The following FAAH variants were observed in gnomAD, a reference collection of about 807,000 sequenced individuals.
FAAH encodes fatty acid amide hydrolase.
In FAAH, 63 loss-of-function variants were observed where a neutral mutation model predicts 69.7. The ratio of observed to expected loss-of-function variants is 0.90; its 90% CI spans 0.74 to 1.12. The LOEUF (loss-of-function observed/expected upper bound fraction) is 1.12. Among genes scored for constraint, FAAH ranks in the 50% most tolerant of loss-of-function variants. The pLI is 0.00. For missense variants in FAAH, 680 were observed against 755.0 expected (o/e 0.90, Z 1.16); for synonymous variants, 305 against 324.2 (o/e 0.94, Z 0.64).
Position 46,410,767 on chromosome 1 carries a change from G to C in FAAH, c.1276-47G>C. On this transcript the variant is annotated intron_variant, in intron 10 of 14. Transcript: ENST00000243167. This position sits in a 1 kb window ranked among gnomAD's most constrained non-coding sequence, Gnocchi z 4.9. ...CTTGGCCTGAAGAAGGTTGACGTCT[G>C]CCGTGGCCCAGAGCTGAGTCACCGA... is the stretch of plus-strand genomic sequence containing the variant. 1.2e-6 allele frequency: 2 copies of C among 1,613,426 alleles called. No individual in the cohort carries two copies. The highest frequency in any genetic ancestry group is 4.5e-5 in the East Asian group (2 of 44,882).
chr1:46,394,468 G>A lies in FAAH; in HGVS notation c.120G>A (p.Ala40=). 2.2e-6 allele frequency: 3 copies of A among 1,383,008 alleles called. No individual in the cohort carries two copies. Among genetic ancestry groups the A allele is most frequent in the South Asian group, 1.7e-5 (1 of 59,236 alleles). 85.7% of individuals were successfully genotyped at this position (1,383,008 alleles called of 1,614,324 possible). A position where few individuals can be genotyped will look rare whatever the true frequency, so the allele number is the denominator to read the frequency against. ...CCGGGCGCCGGACGGCGCGGGGCGC[G>A]GTGGTCCGGGCGCGACAGAGGCAGC... ...RWSGRRTARG[A]VVRARQRQRA... The change falls in exon 1 of 15, where the codon GCG becomes GCA. Residue 40 remains alanine (A), a synonymous_variant. Transcript: ENST00000243167.
rs770844506 is a variant in FAAH, at chr1:46,406,246, C to G, written c.829C>G (p.Arg277Gly). ...KGCVYGQEAV[R>G]LSVGPMARDV... ...TCCCTCACCTCTCTGCCCCACAGTG[C>G]GTCTCTCCGTGGGCCCCATGGCCCG... is the stretch of plus-strand genomic sequence containing the variant. Residue 277 changes from arginine to glycine, a missense_variant and splice_region_variant, in exon 7 of 15, where the codon CGT (arginine) becomes GGT (glycine). Physicochemically the swap from Arg to Gly is moderately radical, Grantham distance 125. Coordinates refer to ENST00000243167, the MANE Select transcript of FAAH (RefSeq NM_001441.3). 4 of 1,613,910 alleles carry G rather than the reference C, an allele frequency of 2.5e-6. No homozygotes were observed. The highest frequency in any genetic ancestry group is 3.4e-6 in the Non-Finnish European group (4 of 1,180,042).
At position 46,402,143 on chromosome 1, in the gene FAAH, T is replaced by C. The variant is rs202110440; in HGVS notation, c.248T>C (p.Val83Ala). 1 of 1,610,666 alleles carries C rather than the reference T, an allele frequency of 6.2e-7. No homozygotes were observed. The highest frequency in any genetic ancestry group is 8.5e-7 in the Non-Finnish European group (1 of 1,178,520). Residue 83 changes from valine (V) to alanine (A), a missense_variant, in exon 2 of 15, where the codon GTG becomes GCG. Coordinates refer to ENST00000243167, the MANE Select transcript of FAAH (RefSeq NM_001441.3). ...CTAGCCCTGCCCCTGCCTCAGCTGGTGCAGAAGTTACACAGTAGAGAGCTG... is the reference window on the plus strand; with the variant it reads ...CTAGCCCTGCCCCTGCCTCAGCTGGCGCAGAAGTTACACAGTAGAGAGCTG... ...ALLALPLPQL[V>A]QKLHSRELAP...
rs1664713032 is a variant in FAAH at position 46,402,086 on chromosome 1, C to T, written c.196-5C>T. Reference sequence around the variant, plus strand: ...AGGGGACTGATCCGAGTTTGTTCCCCACAGAACCCAGACCTGGACTCAGAG... The same window carrying T: ...AGGGGACTGATCCGAGTTTGTTCCCTACAGAACCCAGACCTGGACTCAGAG... On this transcript the variant is annotated splice_polypyrimidine_tract_variant and splice_region_variant and intron_variant, in intron 1 of 14. Transcript: ENST00000243167. 6.2e-7 allele frequency: 1 copy of T among 1,601,422 alleles called. No homozygotes were observed. Among genetic ancestry groups the T allele is most frequent in the Non-Finnish European group, 8.5e-7 (1 of 1,173,552 alleles).
Position 46,409,098 on chromosome 1 carries a change from C to T in FAAH, c.1078-3C>T. Reference sequence around the variant, plus strand: ...GAGGCCTTACACCCCTCAATCCCTGCAGCTGGTTCCCTTCTTGCCAAGCAA... The same window carrying T: ...GAGGCCTTACACCCCTCAATCCCTGTAGCTGGTTCCCTTCTTGCCAAGCAA... On this transcript the variant is annotated splice_region_variant and splice_polypyrimidine_tract_variant and intron_variant, in intron 8 of 14. Transcript: ENST00000243167. The T allele has an allele frequency of 6.2e-7, 1 of 1,613,648 alleles. No individual in the cohort carries two copies. The highest frequency in any genetic ancestry group is 8.5e-7 in the Non-Finnish European group (1 of 1,179,568).
chr1:46,396,740 T>C (rs1011930883), intron 1 of FAAH, among the ~76,000 whole-genome samples: 8 of 152,208 alleles, frequency 5.3e-5, no homozygotes, highest in African/African-American at 1.7e-4. Flanking sequence ...TACCAGCATC[T>C]CAAGGCAGAA....
At position 46,411,836 on chromosome 1, in the gene FAAH, C is replaced by T. The variant is rs1664921395; in HGVS notation, c.1356+185C>T. On this transcript the variant is annotated intron_variant, in intron 12 of 14. Coordinates refer to ENST00000243167, the MANE Select transcript of FAAH (RefSeq NM_001441.3). This position sits in a 1 kb window ranked among gnomAD's most constrained non-coding sequence, Gnocchi z 4.8. ...TCTGACCCTTACTTGCCTAGATGCC[C>T]ATCCTTTGAGGCTGGGTCAGCCCCA... 6.6e-6 allele frequency among the ~76,000 whole-genome samples: 1 copy of T among 152,238 alleles called. No homozygotes were observed. Among genetic ancestry groups the T allele is most frequent in the Admixed American group, 6.5e-5 (1 of 15,292 alleles).
chr1:46,401,885 A>T (rs1305323482), intron 1 of FAAH, among the ~76,000 whole-genome samples: 1 of 148,172 alleles, frequency 6.7e-6, no homozygotes, highest in Non-Finnish European at 1.5e-5. Context: ...GTCTCTAAGG[A>T]AAAAAAAAAC....
At position 46,405,540 on chromosome 1, in the gene FAAH, G is replaced by C; in HGVS notation, c.578+35G>C. The C allele has an allele frequency of 1.2e-6, 2 of 1,612,830 alleles. No individual in the cohort carries two copies. The highest frequency in any genetic ancestry group is 1.7e-6 in the Non-Finnish European group (2 of 1,179,978). On this transcript the variant is annotated intron_variant, in intron 4 of 14. Transcript: ENST00000243167. This position sits in a 1 kb window ranked among gnomAD's most constrained non-coding sequence, Gnocchi z 4.1. ...TGGGGTGGGGCGGGGCGGGGCAGGGGCACCGGTCCCAGCATGGCACGGGCT... is the reference window on the plus strand; with the variant it reads ...TGGGGTGGGGCGGGGCGGGGCAGGGCCACCGGTCCCAGCATGGCACGGGCT...
chr1:46,408,428 C>T (rs983858934), intron 7 of FAAH, 31 bp from the exon 8 acceptor site: 2 of 1,613,946 alleles, frequency 1.2e-6, no homozygotes, highest in Non-Finnish European at 1.7e-6. Flanking sequence ...CTTCTCCTGA[C>T]CTGCCCCTGT....
chr1:46,400,585 G>T (rs1187454359), intron 1 of FAAH, among the ~76,000 whole-genome samples: 1 of 151,432 alleles, frequency 6.6e-6, no homozygotes, highest in Non-Finnish European at 1.5e-5. Flanking sequence ...TGGATGGATG[G>T]CGGGGCCTCC....
Position 46,413,665 on chromosome 1 carries a change from G to A in FAAH, c.*90G>A. ...TGCCCTGCTGCCACAGCAAGGAAAT[G>A]TCCTGCATGGGGCAGAGGCTTCCGT... On this transcript the variant is annotated 3_prime_UTR_variant, in exon 15 of 15. Transcript: ENST00000243167. The A allele has an allele frequency of 6.3e-7, 1 of 1,586,304 alleles. No homozygotes were observed.
rs1024653476 is a variant in FAAH at position 46,394,512 on chromosome 1, T to A, written c.164T>A (p.Met55Lys). ...AGGCAGCGAGCGGGCCTGGAGAACA[T>A]GGACAGGGCGGCGCAGCGCTTCCGG... ...RQRQRAGLEN[M>K]DRAAQRFRLQ... The change falls in exon 1 of 15, where the codon ATG becomes AAG. Residue 55 changes from methionine (M) to lysine (K), a missense_variant. By Grantham distance (95) the Met-to-Lys change is moderately conservative. Coordinates refer to ENST00000243167, the MANE Select transcript of FAAH (RefSeq NM_001441.3). The A allele has an allele frequency of 7.2e-7, 1 of 1,388,994 alleles. No individual in the cohort carries two copies. Among genetic ancestry groups the A allele is most frequent in the Non-Finnish European group, 9.3e-7 (1 of 1,077,904 alleles). 86.0% of individuals were successfully genotyped at this position (1,388,994 alleles called of 1,614,324 possible).
intron 1 of FAAH, among the ~76,000 whole-genome samples, chr1:46,400,072 G>C (rs1000808363): frequency 6.6e-6 from 1 of 151,554 alleles, no homozygotes; most frequent in Non-Finnish European, 1.5e-5. Flanking sequence ...AAAATCCAAA[G>C]TAAGTACTCT....
chr1:46,402,295 T>C (rs748290941), intron 2 of FAAH, 91 bp downstream of exon 2: 3 of 1,162,436 alleles, frequency 2.6e-6, no homozygotes, highest in Non-Finnish European at 3.8e-6. Context: ...CCGCACAGGC[T>C]GTGGGGAAAA....
At chr1:46,402,751 G>A in intron 2 of FAAH, among the ~76,000 whole-genome samples, 1 of 151,410 alleles carries the variant, frequency 6.6e-6, no homozygotes. Flanking sequence ...GGAATGCAGT[G>A]GCATGATCTT....
intron 1 of FAAH, among the ~76,000 whole-genome samples, chr1:46,394,761 C>A (rs1456276540): frequency 1.3e-5 from 2 of 152,202 alleles, no homozygotes; most frequent in African/African-American, 4.8e-5. Context: ...GGTGGAAGGC[C>A]TTTCCCTCAC....
At position 46,410,854 on chromosome 1, in the gene FAAH, G is replaced by A. The variant is rs1664900236; in HGVS notation, c.1316G>A (p.Arg439His). 2.5e-6 allele frequency: 4 copies of A among 1,614,048 alleles called. No homozygotes were observed. Among genetic ancestry groups the A allele is most frequent in the Non-Finnish European group, 3.4e-6 (4 of 1,180,034 alleles). Reference sequence around the variant, plus strand: ...GCTTTCCTCAGCAACATGAAGTCTCGGTAAGGGTTCTTCTGTGTCTAGCTG... The same window carrying A: ...GCTTTCCTCAGCAACATGAAGTCTCAGTAAGGGTTCTTCTGTGTCTAGCTG... Reference protein sequence around the residue: ...LSAFLSNMKSRSAGKLWELQH... With the variant: ...LSAFLSNMKSHSAGKLWELQH... The change falls in exon 11 of 15, where the codon CGT (arginine) becomes CAT (histidine). Residue 439 changes from arginine (R) to histidine (H), a missense_variant and splice_region_variant. Physicochemically the swap from Arg to His is conservative, Grantham distance 29 (BLOSUM62 0). Transcript: ENST00000243167. This position sits in a 1 kb window ranked among gnomAD's most constrained non-coding sequence, Gnocchi z 4.9.
At chr1:46,408,373 G>A in intron 7 of FAAH, 86 bp from the exon 8 acceptor site, 9 of 1,587,812 alleles carry the variant, frequency 5.7e-6, no homozygotes, top group Non-Finnish European at 6.9e-6. Context: ...CTGTGTCTGG[G>A]GCTGAGTAGT....
Sources: gnomAD v4.1 joint callset for allele counts (sites outside exome capture counted in the v4.1 genomes callset) on GRCh38, gnomAD v4.1.1 for gene constraint, Gnocchi (gnomAD v3.1) non-coding constraint, MANE v1.5 for transcripts, NCBI Gene and HGNC (gene_info 2026-07-23, HGNC 2026-07-21) for gene names.